BAHD1: variants seen among roughly 807,000 people sequenced by gnomAD.
The protein encoded by BAHD1 is bromo adjacent homology domain containing 1.
BAHD1 carries 20 observed loss-of-function variants against 63.1 expected under a neutral mutation model. The ratio of observed to expected loss-of-function variants is 0.32; its 90% CI spans 0.22 to 0.46. The LOEUF is 0.46. BAHD1 is among the 20% of genes least tolerant of loss of function. The probability of loss-of-function intolerance (pLI) is 1.00; values close to 1 mark genes in which losing one functional copy is unlikely to be tolerated. For synonymous variants in BAHD1, 408 were observed against 426.8 expected (o/e 0.96, Z 0.54); for missense variants, 939 against 1,071.8 (o/e 0.88, Z 1.73).
Position 40,466,252 on chromosome 15 carries a change from T to A in BAHD1, c.*122T>A. ...GCCTAAGTTTGCTGGCCTGTGGTTTTCTTGGGGGGGAGGGCAGGGGCCCCT... is the reference window on the plus strand; with the variant it reads ...GCCTAAGTTTGCTGGCCTGTGGTTTACTTGGGGGGGAGGGCAGGGGCCCCT... On this transcript the variant is annotated 3_prime_UTR_variant, in exon 7 of 7. Coordinates refer to ENST00000416165, the MANE Select transcript of BAHD1 (RefSeq NM_014952.5). 3.6e-4 allele frequency: 180 copies of A among 504,136 alleles called. No homozygotes were observed. Among genetic ancestry groups the A allele is most frequent in the Middle Eastern group, 6.4e-4 (1 of 1,556 alleles). 31.2% of individuals were successfully genotyped at this position (504,136 alleles called of 1,614,324 possible).
chr15:40,466,213 A>T lies in BAHD1; in HGVS notation c.*83A>T. The T allele has an allele frequency of 1.3e-5, 14 of 1,108,684 alleles. No homozygotes were observed. The highest frequency in any genetic ancestry group is 1.7e-5 in the African/African-American group (1 of 58,834). The allele number at this position is 1,108,684 out of a possible 1,614,324, so 68.7% of individuals were successfully genotyped here. A position where few individuals can be genotyped will look rare whatever the true frequency, so the allele number is the denominator to read the frequency against. On this transcript the variant is annotated 3_prime_UTR_variant, in exon 7 of 7. Transcript: ENST00000416165. ...ACTGCTTGAAGCACAGCACTTGGTT[A>T]GGGGGCCACAGAGGCCTAAGTTTGC...
At chr15:40,465,069 G>T (rs560939775) in intron 5 of BAHD1, 1 of 510,034 alleles carries the variant, frequency 2.0e-6, no homozygotes, top group Non-Finnish European at 3.5e-6. Flanking sequence ...CCTCTCCTAC[G>T]CTAGGCAGGG....
chr15:40,447,611 TAAAA>T (rs1555408575), intron 1 of BAHD1, among the ~76,000 whole-genome samples: 2 of 144,028 alleles, frequency 1.4e-5, no homozygotes, highest in African/African-American at 2.5e-5. Context: ...AATAAATAAA[TAAAA>T]ATAAAAATGA....
intron 1 of BAHD1, among the ~76,000 whole-genome samples, chr15:40,456,717 T>C (rs1372013237): frequency 1.3e-5 from 2 of 152,212 alleles, no homozygotes; most frequent in Non-Finnish European, 2.9e-5. Flanking sequence ...CAGGGTTAAA[T>C]CCTGGCACAG....
At chr15:40,456,191 G>A (rs1015429861) in intron 1 of BAHD1, among the ~76,000 whole-genome samples, 1 of 152,072 alleles carries the variant, frequency 6.6e-6, no homozygotes, top group Non-Finnish European at 1.5e-5. Context: ...TATTAGCCAG[G>A]ATGGTCTTGA....
chr15:40,465,334 G>A lies in BAHD1; in HGVS notation c.2053-1G>A. On this transcript the variant is annotated splice_acceptor_variant, in intron 5 of 6. Coordinates refer to ENST00000416165, the MANE Select transcript of BAHD1 (RefSeq NM_014952.5). LOFTEE classifies it high-confidence loss of function. ...ACAACCTCCACCTGTCTCCCTTTGA[G>A]CCCTTGCAGAATGAAGTGTTTGCAT... The A allele has an allele frequency of 1.9e-6, 3 of 1,614,044 alleles. No homozygotes were observed. Among genetic ancestry groups the A allele is most frequent in the Non-Finnish European group, 2.5e-6 (3 of 1,179,928 alleles).
rs920305779 is a variant in BAHD1 at position 40,441,043 on chromosome 15, C to G, written c.-240C>G. 1.6e-4 allele frequency among the ~76,000 whole-genome samples: 23 copies of G among 146,270 alleles called. No homozygotes were observed. Among genetic ancestry groups the G allele is most frequent in the African/African-American group, 5.4e-4 (22 of 40,726 alleles). ...CCGGCTGCCTGCCCCGCCCGTCCGG[C>G]CCCCGCCGTCCGCCCGCCCCGGCCA... On this transcript the variant is annotated 5_prime_UTR_variant, in exon 1 of 7. Transcript: ENST00000416165.
chr15:40,462,394 C>CT, intron 3 of BAHD1, 100 bp downstream of exon 3: 3 of 1,457,800 alleles, frequency 2.1e-6, no homozygotes, highest in South Asian at 2.7e-5. Flanking sequence ...TCTAGCTACT[C>CT]TGAGAGCTGA....
chr15:40,457,121 T>C (rs1382978816), intron 1 of BAHD1, among the ~76,000 whole-genome samples: 1 of 152,178 alleles, frequency 6.6e-6, no homozygotes, highest in Non-Finnish European at 1.5e-5. Flanking sequence ...CCCCACCTCC[T>C]TGCATCCTGC....
Position 40,459,849 on chromosome 15 carries a change from C to G in BAHD1, c.1385C>G (p.Ala462Gly). The change falls in exon 2 of 7, where the codon GCT (alanine) becomes GGT (glycine). Residue 462 changes from alanine (A) to glycine (G), a missense_variant. Ala to Gly is a moderately conservative substitution (Grantham distance 60). This residue lies in a region of BAHD1 where 797 missense variants were observed against 813.3 expected (regional missense o/e 0.98). Transcript: ENST00000416165. ...GTGTTGCCCCTGTCTGTTACCCACG[C>G]TGGCACTACCTGTGGCGGCTGCCCA... ...CGVLPLSVTH[A>G]GTTCGGCPYK... 1 of 1,604,566 alleles carries G rather than the reference C, an allele frequency of 6.2e-7. No individual in the cohort carries two copies. Among genetic ancestry groups the G allele is most frequent in the Non-Finnish European group, 8.5e-7 (1 of 1,174,560 alleles).
chr15:40,457,073 C>G (rs1294690665), intron 1 of BAHD1, among the ~76,000 whole-genome samples: 1 of 152,180 alleles, frequency 6.6e-6, no homozygotes, highest in Non-Finnish European at 1.5e-5. Flanking sequence ...GGGATGATGC[C>G]TGGTCATATG....
chr15:40,457,985 C>T (rs1345213595), intron 1 of BAHD1, among the ~76,000 whole-genome samples: 3 of 152,162 alleles, frequency 2.0e-5, no homozygotes, highest in East Asian at 1.9e-4. Context: ...TGCACTCCAG[C>T]GAGACTCCGT....
intron 2 of BAHD1, among the ~76,000 whole-genome samples, chr15:40,460,978 T>C (rs1229912511): frequency 6.6e-6 from 1 of 152,124 alleles, no homozygotes; most frequent in Admixed American, 6.5e-5. Flanking sequence ...AGGACACCAG[T>C]AAACACCATG....
At chr15:40,463,777 G>A (rs1025437129) in intron 3 of BAHD1, 84 bp from the exon 4 acceptor site, 18 of 1,474,998 alleles carry the variant, frequency 1.2e-5, no homozygotes, top group South Asian at 5.1e-5. Flanking sequence ...TGAGGAAATC[G>A]TGGAAAGGAT....
At chr15:40,443,621 T>C (rs934756315) in intron 1 of BAHD1, among the ~76,000 whole-genome samples, 3 of 152,128 alleles carry the variant, frequency 2.0e-5, no homozygotes, top group Non-Finnish European at 4.4e-5. Context: ...TAGCCAGTGA[T>C]TAGGTTCTTT....
intron 1 of BAHD1, among the ~76,000 whole-genome samples, chr15:40,443,673 T>C (rs1893462402): frequency 6.6e-6 from 1 of 152,150 alleles, no homozygotes; most frequent in Admixed American, 6.5e-5. Context: ...TGTCCTGCTG[T>C]CCCCGTGTCA....
intron 2 of BAHD1, among the ~76,000 whole-genome samples, chr15:40,461,706 G>A (rs988579500): frequency 6.6e-6 from 1 of 152,042 alleles, no homozygotes; most frequent in African/African-American, 2.4e-5. Flanking sequence ...TAAAAGGGGA[G>A]ATGGCCAATC....
In BAHD1 at chr15:40,462,218, C is replaced by CTCGCCGCCG; in HGVS notation, c.1740_1748dup (p.Arg585_Arg587dup). On this transcript the variant is annotated inframe_insertion, in exon 3 of 7. Coordinates refer to ENST00000416165, the MANE Select transcript of BAHD1 (RefSeq NM_014952.5). ...CAGCCACGTGTCCAGCGCCCACGCCCTCGCCGCCGCCGTCGCCGCCGCACT... is the reference window on the plus strand; with the variant it reads ...CAGCCACGTGTCCAGCGCCCACGCCCTCGCCGCCGTCGCCGCCGCCGTCGCCGCCGCACT... 1 of 1,611,682 alleles carries CTCGCCGCCG rather than the reference C, an allele frequency of 6.2e-7. No homozygotes were observed. The highest frequency in any genetic ancestry group is 8.5e-7 in the Non-Finnish European group (1 of 1,179,204).
chr15:40,465,448 C>G lies in BAHD1; in HGVS notation c.2153+13C>G, dbSNP rs757424936. 3 of 1,608,224 alleles carry G rather than the reference C, an allele frequency of 1.9e-6. No individual in the cohort carries two copies. The South Asian group carries it at 3.3e-5, about 18-fold the overall frequency. Reference sequence around the variant, plus strand: ...CCGAGTACTGCAGGTAGGTGGTTCCCTGCACCCTCTGGCTGGCCTCTTCCC... The same window carrying G: ...CCGAGTACTGCAGGTAGGTGGTTCCGTGCACCCTCTGGCTGGCCTCTTCCC... On this transcript the variant is annotated intron_variant, in intron 6 of 6. Transcript: ENST00000416165.
Sources: gnomAD v4.1 joint callset for allele counts (sites outside exome capture counted in the v4.1 genomes callset) on GRCh38, gnomAD v4.1.1 for gene constraint, gnomAD v4.1.1 regional missense constraint, MANE v1.5 for transcripts, NCBI Gene and HGNC (gene_info 2026-07-23, HGNC 2026-07-21) for gene names.